UBE2E2: variants seen among roughly 807,000 people sequenced by gnomAD.
The protein encoded by UBE2E2 is ubiquitin-conjugating enzyme E2 E2.
In UBE2E2, 6 loss-of-function variants were observed where a neutral mutation model predicts 24.7. The ratio of observed to expected loss-of-function variants is 0.24; its 90% CI spans 0.13 to 0.48. The LOEUF is 0.48. UBE2E2 is among the 20% of genes least tolerant of loss of function. UBE2E2 has a pLI of 0.99. For missense variants in UBE2E2, 169 were observed against 245.0 expected, an observed-to-expected ratio of 0.69 and a Z score of 2.07; for synonymous variants, 104 against 83.6, an observed-to-expected ratio of 1.24 and a Z score of -1.33.
chr3:23,236,556 T>TAA (rs1030100351), intron 3 of UBE2E2, among the ~76,000 whole-genome samples: 1 of 152,002 alleles, frequency 6.6e-6, no homozygotes, highest in Non-Finnish European at 1.5e-5. Flanking sequence ...GCCTTTCTCT[T>TAA]ACTATAGATT....
chr3:23,475,069 C>G (rs1482607999), intron 3 of UBE2E2, among the ~76,000 whole-genome samples: 1 of 152,054 alleles, frequency 6.6e-6, no homozygotes, highest in African/African-American at 2.4e-5. Flanking sequence ...CATTCTTCTC[C>G]TCGAAGTGCT....
intron 3 of UBE2E2, among the ~76,000 whole-genome samples, chr3:23,301,685 C>G (rs1043475297): frequency 2.0e-5 from 3 of 152,152 alleles, no homozygotes; most frequent in Admixed American, 1.3e-4. Context: ...GGTGTCAGTC[C>G]ACCCCCTACT....
intron 3 of UBE2E2, among the ~76,000 whole-genome samples, chr3:23,451,993 A>G (rs1698571064): frequency 1.3e-5 from 2 of 152,224 alleles, no homozygotes; most frequent in South Asian, 2.1e-4. Context: ...AAATTAAATT[A>G]TAGAGATTTA....
chr3:23,284,931 C>G (rs1444620751), intron 3 of UBE2E2, among the ~76,000 whole-genome samples: 2 of 131,814 alleles, frequency 1.5e-5, no homozygotes, highest in Non-Finnish European at 3.3e-5. Flanking sequence ...ATTTTTTTTT[C>G]ATTTTTCTAT....
intron 3 of UBE2E2, among the ~76,000 whole-genome samples, chr3:23,494,192 A>G (rs550770212): frequency 2.0e-5 from 3 of 152,190 alleles, no homozygotes; most frequent in African/African-American, 7.2e-5. Context: ...TAAAAGATTA[A>G]AAGATTTCTT....
intron 3 of UBE2E2, among the ~76,000 whole-genome samples, chr3:23,381,016 G>A (rs184454996): frequency 4.6e-5 from 7 of 152,144 alleles, no homozygotes; most frequent in Admixed American, 4.6e-4. Flanking sequence ...CCACAGTATT[G>A]CCATTGATAG....
chr3:23,353,492 G>T (rs1440484158), intron 3 of UBE2E2, among the ~76,000 whole-genome samples: 1 of 152,178 alleles, frequency 6.6e-6, no homozygotes, highest in Non-Finnish European at 1.5e-5. Context: ...AAACCCCATC[G>T]TGTCAGCCCA....
chr3:23,448,298 G>A (rs903227156), intron 3 of UBE2E2, among the ~76,000 whole-genome samples: 1 of 152,140 alleles, frequency 6.6e-6, no homozygotes, highest in Non-Finnish European at 1.5e-5. Flanking sequence ...TGTTTTTGAT[G>A]TTTGATGTAA....
intron 3 of UBE2E2, among the ~76,000 whole-genome samples, chr3:23,288,273 A>C (rs1468293917): frequency 6.6e-6 from 1 of 152,222 alleles, no homozygotes; most frequent in Non-Finnish European, 1.5e-5. Context: ...TCTGGCTAGA[A>C]AAGATACTTG....
chr3:23,444,636 A>G (rs1698385998), intron 3 of UBE2E2, among the ~76,000 whole-genome samples: 1 of 152,110 alleles, frequency 6.6e-6, no homozygotes, highest in South Asian at 2.1e-4. Context: ...CATATACCAT[A>G]CCCTGGAGGG....
chr3:23,243,835 A>G (rs879864018), intron 3 of UBE2E2, among the ~76,000 whole-genome samples: 6 of 152,032 alleles, frequency 3.9e-5, no homozygotes, highest in Non-Finnish European at 7.4e-5. Flanking sequence ...AGGAAGCAGC[A>G]GAGTTTGTTC....
At chr3:23,304,819 C>G (rs77472243) in intron 3 of UBE2E2, among the ~76,000 whole-genome samples, 1,933 of 152,010 alleles carry the variant, frequency 0.013, 15 homozygotes, top group Non-Finnish European at 0.019. Context: ...GCCTTAATAC[C>G]GGGTATGCAT....
rs531172525 is a variant in UBE2E2, at chr3:23,561,883, G to A, written c.509-27851G>A. On this transcript the variant is annotated intron_variant, in intron 5 of 5. Coordinates refer to ENST00000396703, the MANE Select transcript of UBE2E2 (RefSeq NM_152653.4). ...ATTTGGCTCTCTGTCTGTTATTGGTGTATAAGAATGCTTGTGATTTTTGCA... is the reference window on the plus strand; with the variant it reads ...ATTTGGCTCTCTGTCTGTTATTGGTATATAAGAATGCTTGTGATTTTTGCA... Among the ~76,000 whole-genome samples the A allele has an allele frequency of 3.5e-3, 529 of 152,182 alleles. 2 individuals carry two copies. The highest frequency in any genetic ancestry group is 5.5e-3 in the Non-Finnish European group (371 of 67,996).
At chr3:23,532,064 AAAAAAAAAAAAAG>A (rs1695135131) in intron 4 of UBE2E2, among the ~76,000 whole-genome samples, 1 of 150,260 alleles carries the variant, frequency 6.7e-6, no homozygotes, top group South Asian at 2.1e-4. Flanking sequence ...TCTATCTCAA[AAAAAAAAAAAAAG>A]AAAAAAAAAC....
intron 3 of UBE2E2, among the ~76,000 whole-genome samples, chr3:23,242,790 T>G (rs1180729858): frequency 1.3e-5 from 2 of 152,120 alleles, no homozygotes; most frequent in African/African-American, 4.8e-5. Flanking sequence ...TTGCTTTGCT[T>G]GAAAATAGTT....
intron 3 of UBE2E2, among the ~76,000 whole-genome samples, chr3:23,354,404 C>T (rs1394947031): frequency 1.3e-5 from 2 of 151,998 alleles, no homozygotes; most frequent in Non-Finnish European, 2.9e-5. Flanking sequence ...AATTAAAGAG[C>T]TTCTGCACAG....
intron 3 of UBE2E2, among the ~76,000 whole-genome samples, chr3:23,400,932 G>A (rs957767524): frequency 6.6e-6 from 1 of 152,176 alleles, no homozygotes; most frequent in Non-Finnish European, 1.5e-5. Context: ...AGTTTGAAGA[G>A]ACAGGCTGTA....
intron 3 of UBE2E2, among the ~76,000 whole-genome samples, chr3:23,455,035 AGGTCTCTGC>A (rs1698647274): frequency 8.4e-6 from 1 of 118,886 alleles, no homozygotes; most frequent in Non-Finnish European, 2.0e-5. Flanking sequence ...TGCCTAACCC[AGGTCTCTGC>A]ATGACAAGAA....
intron 3 of UBE2E2, among the ~76,000 whole-genome samples, chr3:23,349,580 T>C (rs1240516171): frequency 1.3e-5 from 2 of 152,166 alleles, no homozygotes; most frequent in Admixed American, 1.3e-4. Flanking sequence ...CAGGAGATTA[T>C]ATCCCACGCA....
Sources: allele counts gnomAD v4.1 joint callset (sites outside exome capture counted in the v4.1 genomes callset), GRCh38; gene constraint gnomAD v4.1.1; transcripts MANE v1.5; gene names NCBI Gene and HGNC (gene_info 2026-07-23, HGNC 2026-07-21).